MLC1: variants seen among roughly 807,000 people sequenced by gnomAD.
MLC1 encodes membrane protein MLC1.
A neutral mutation model predicts 44.7 loss-of-function variants in MLC1; 32 were observed. The observed-to-expected ratio is 0.72, with a 90% confidence interval of 0.54 to 0.96. The LOEUF (loss-of-function observed/expected upper bound fraction) is 0.96. Among genes scored for constraint, MLC1 ranks in the 40% least tolerant of loss-of-function variants. The pLI is 0.00. For synonymous variants in MLC1, 190 were observed against 213.0 expected (o/e 0.89, Z 0.94); for missense variants, 459 against 492.2 (o/e 0.93, Z 0.64).
intron 2 of MLC1, among the ~76,000 whole-genome samples, chr22:50,084,141 T>G (rs1241915808): frequency 6.6e-6 from 1 of 152,158 alleles, no homozygotes; most frequent in African/African-American, 2.4e-5. Context: ...AGCATGGCTC[T>G]GAGCAGCTGC....
chr22:50,065,254 G>T (rs1169756281), intron 10 of MLC1, among the ~76,000 whole-genome samples: 1 of 152,074 alleles, frequency 6.6e-6, no homozygotes, highest in African/African-American at 2.4e-5. Context: ...TCTGGTACTT[G>T]TGTTCCCAGC....
At chr22:50,076,772 C>T (rs867652683) in intron 7 of MLC1, 69 bp downstream of exon 7, 53 of 1,539,618 alleles carry the variant, frequency 3.4e-5, no homozygotes, top group African/African-American at 9.5e-5. Flanking sequence ...CGAAACGTGA[C>T]GTTTAATCCA....
At chr22:50,072,072 C>T (rs2061865620) in intron 8 of MLC1, among the ~76,000 whole-genome samples, 1 of 152,206 alleles carries the variant, frequency 6.6e-6, no homozygotes, top group Admixed American at 6.5e-5. Context: ...CTCTCCTGGG[C>T]TTGGTGCTTC....
At chr22:50,081,360 AAAAGAAAG>A (rs570505839) in intron 3 of MLC1, among the ~76,000 whole-genome samples, 1 of 152,006 alleles carries the variant, frequency 6.6e-6, no homozygotes, top group Non-Finnish European at 1.5e-5. Context: ...AAGAAAGAAA[AAAAGAAAG>A]AAAGAAAGAG....
At chr22:50,068,978 C>T (rs7511240) in intron 9 of MLC1, among the ~76,000 whole-genome samples, 18,528 of 151,382 alleles carry the variant, frequency 0.12, 1,262 homozygotes, top group South Asian at 0.23. Context: ...CCACCCACCT[C>T]GGCCTCCCAA....
chr22:50,081,049 G>GAAAGAAAGAAAGAAAGAA (rs1413650900), intron 3 of MLC1, among the ~76,000 whole-genome samples: 1,694 of 149,824 alleles, frequency 0.011, 59 homozygotes, highest in African/African-American at 0.041. Context: ...AAGAAAGAAA[G>GAAAGAAAGAAAGAAAGAA]AAAGAAAGAG....
chr22:50,079,156 C>T (rs2062053500), intron 5 of MLC1, among the ~76,000 whole-genome samples: 2 of 151,900 alleles, frequency 1.3e-5, no homozygotes, highest in South Asian at 2.1e-4. Flanking sequence ...TGGTGGCACA[C>T]GCCTGTAATC....
intron 8 of MLC1, among the ~76,000 whole-genome samples, chr22:50,071,115 C>CTT (rs11414043): frequency 3.4e-5 from 5 of 146,880 alleles, no homozygotes; most frequent in Non-Finnish European, 6.0e-5. Context: ...TCTTCTTCTC[C>CTT]TTTTTTTTTT....
At chr22:50,080,062 A>G in intron 4 of MLC1, 43 bp from the exon 5 acceptor site, 2 of 1,466,464 alleles carry the variant, frequency 1.4e-6, no homozygotes, top group Non-Finnish European at 1.9e-6. Flanking sequence ...TTGAATAATA[A>G]AAGAAAAAAG....
At chr22:50,075,173 AACCAGCACCGCCAGACTCAGGGAGGGGCC>A (rs771251582) in intron 7 of MLC1, among the ~76,000 whole-genome samples, 38 of 149,036 alleles carry the variant, frequency 2.5e-4, no homozygotes, top group Non-Finnish European at 4.5e-4. Context: ...GAGGGGCCGC[AACCAGCACCGCCAGACTCAGGGAGGGGCC>A]GCAACCAGCA....
chr22:50,073,687 T>C (rs9617144), intron 8 of MLC1, among the ~76,000 whole-genome samples: 2 of 151,948 alleles, frequency 1.3e-5, no homozygotes, highest in Non-Finnish European at 2.9e-5. Context: ...AGTGAGGTGA[T>C]ATTGAGCCAC....
chr22:50,061,974 T>C (rs1381478473), intron 11 of MLC1, among the ~76,000 whole-genome samples: 1 of 152,208 alleles, frequency 6.6e-6, no homozygotes, highest in Non-Finnish European at 1.5e-5. Flanking sequence ...GTTGGGCATG[T>C]GCCTGACGGC....
chr22:50,073,197 C>T (rs968201576), intron 8 of MLC1, among the ~76,000 whole-genome samples: 2 of 152,262 alleles, frequency 1.3e-5, no homozygotes, highest in Non-Finnish European at 2.9e-5. Context: ...CCACTGCTGC[C>T]CAGGAGGAGC....
Position 50,074,543 on chromosome 22 carries a change from G to A in MLC1, c.598-211C>T. The A allele has an allele frequency of 2.0e-5, 12 of 594,426 alleles. No homozygotes were observed. In the Admixed American group the frequency reaches 2.1e-4, roughly 11 times the overall value. 36.8% of individuals were successfully genotyped at this position (594,426 alleles called of 1,614,324 possible). ...TGCGGCTTTTCACGTCCCTCCTGGA[G>A]TAAAATAGCCAAAGAGGTGTTTCCC... On this transcript the variant is annotated intron_variant, in intron 7 of 11. Transcript: ENST00000311597.
chr22:50,084,844 C>T lies in MLC1; in HGVS notation c.59G>A (p.Arg20Gln), dbSNP rs766921234. ...LAYDRMPTLE[R>Q]GRQDPASYAP... ...ATAGCTGGCGGGGTCTTGCCGGCCC[C>T]GCTCCAGCGTGGGCATCCGGTCATA... The change falls in exon 2 of 12, where the codon CGG (arginine) becomes CAG (glutamine). Residue 20 changes from arginine to glutamine, a missense_variant. Arg to Gln is a conservative substitution (Grantham distance 43). Coordinates refer to ENST00000311597, the MANE Select transcript of MLC1 (RefSeq NM_015166.4). 12 of 1,613,658 alleles carry T rather than the reference C, an allele frequency of 7.4e-6. No homozygotes were observed. The highest frequency in any genetic ancestry group is 6.6e-5 in the South Asian group (6 of 91,088).
At chr22:50,065,520 T>C (rs2061683607) in intron 10 of MLC1, among the ~76,000 whole-genome samples, 1 of 152,232 alleles carries the variant, frequency 6.6e-6, no homozygotes, top group Non-Finnish European at 1.5e-5. Context: ...CAGATGGAGC[T>C]GGTCTCCCCC....
At chr22:50,076,807 TGA>T (rs1569248346) in intron 7 of MLC1, 32 bp downstream of exon 7, 1 of 1,602,608 alleles carries the variant, frequency 6.2e-7, no homozygotes. Flanking sequence ...CGACAGAGTA[TGA>T]GAGAAAAGAG....
chr22:50,072,781 G>A (rs1602016369), intron 8 of MLC1: 1 of 152,442 alleles, frequency 6.6e-6, no homozygotes, highest in Non-Finnish European at 1.5e-5. Flanking sequence ...GACCCGCTTG[G>A]GTGGGCACCC....
intron 9 of MLC1, among the ~76,000 whole-genome samples, chr22:50,069,368 G>A (rs529470577): frequency 2.6e-5 from 4 of 152,190 alleles, no homozygotes; most frequent in African/African-American, 9.6e-5. Context: ...TTACCATCTA[G>A]GCAAGGTGGC....
Sources: gnomAD v4.1 joint callset for allele counts (sites outside exome capture counted in the v4.1 genomes callset) on GRCh38, gnomAD v4.1.1 for gene constraint, MANE v1.5 for transcripts, NCBI Gene and HGNC (gene_info 2026-07-23, HGNC 2026-07-21) for gene names.